HMCN1: variants seen among roughly 807,000 people sequenced by gnomAD.
HMCN1 encodes hemicentin-1.
Under a neutral mutation model 625.9 loss-of-function variants are expected in HMCN1, and 321 were observed. The ratio of observed to expected loss-of-function variants is 0.51; its 90% confidence interval spans 0.47 to 0.56. The LOEUF (loss-of-function observed/expected upper bound fraction) is 0.56. Ranked by LOEUF, HMCN1 falls within the 20% of genes least tolerant of loss-of-function variation. HMCN1 has a pLI of 0.00. For synonymous variants in HMCN1, 2,425 were observed against 2,417.6 expected (o/e 1.00, Z -0.09); for missense variants, 6,588 against 6,887.3 (o/e 0.96, Z 1.54).
In HMCN1 at chr1:186,065,270, G is replaced by A. The variant is rs926701175; in HGVS notation, c.7546G>A (p.Asp2516Asn). Residue 2516 changes from aspartate (D) to asparagine (N), a missense_variant, in exon 49 of 107, where the codon GAT (aspartate) becomes AAT (asparagine). Around this residue, in one of 3 missense-constraint regions of HMCN1, gnomAD observed 4,628 missense variants for 4,853.1 expected, o/e 0.95. Coordinates refer to ENST00000271588, the MANE Select transcript of HMCN1 (RefSeq NM_031935.3). ...AGTGCCAGAAATTACATGGCACAAA[G>A]ATGGGCAGCCCCTCCAAGAAGATGA... ...NPVPEITWHK[D>N]GQPLQEDEAH... 9.9e-6 allele frequency: 16 copies of A among 1,612,464 alleles called. No individual in the cohort carries two copies. The African/African-American group carries it at 1.7e-4, about 17-fold the overall frequency.
rs1014458246 is a variant in HMCN1 at position 186,088,612 on chromosome 1, C to T, written c.9584C>T (p.Ser3195Phe). 1 of 1,611,424 alleles carries T rather than the reference C, an allele frequency of 6.2e-7. No individual in the cohort carries two copies. The highest frequency in any genetic ancestry group is 8.5e-7 in the Non-Finnish European group (1 of 1,178,544). ...GCTTTGTTTCTACCTCTAGAAAATT[C>T]TGACTCACTGGAAGTTCGTATTTTG... is the stretch of plus-strand genomic sequence containing the variant. ...WLKNHKRIEN[S>F]DSLEVRILSG... The change falls in exon 63 of 107, where the codon TCT (serine) becomes TTT (phenylalanine). Residue 3195 changes from serine (S) to phenylalanine (F), a missense_variant. Transcript: ENST00000271588.
chr1:186,076,765 G>A (rs574323537), intron 54 of HMCN1, 143 bp downstream of exon 54: 74 of 772,064 alleles, frequency 9.6e-5, no homozygotes, highest in East Asian at 7.1e-4. Context: ...TGGCATCCAC[G>A]TAGCTTCAAT....
Position 185,891,646 on chromosome 1 carries a change from T to C in HMCN1, c.622-17691T>C, listed in dbSNP as rs562681825. Reference sequence around the variant, plus strand: ...GAAAGTTGAATATTGGCCCCCACTCTCTTCTGGCTTGTAGAGTTTCTGCCG... The same window carrying C: ...GAAAGTTGAATATTGGCCCCCACTCCCTTCTGGCTTGTAGAGTTTCTGCCG... On this transcript the variant is annotated intron_variant, in intron 4 of 106. Coordinates refer to ENST00000271588, the MANE Select transcript of HMCN1 (RefSeq NM_031935.3). Among the ~76,000 whole-genome samples the C allele has an allele frequency of 5.6e-3, 830 of 147,918 alleles. 21 individuals are homozygous for C. The highest frequency in any genetic ancestry group is 0.02 in the African/African-American group (732 of 37,310).
intron 1 of HMCN1, among the ~76,000 whole-genome samples, chr1:185,790,381 C>A (rs955736089): frequency 1.6e-4 from 25 of 152,192 alleles, no homozygotes; most frequent in Admixed American, 6.5e-4. Context: ...GACTGTGATG[C>A]TACCACTGCT....
chr1:185,750,903 A>G (rs996587581), intron 1 of HMCN1, among the ~76,000 whole-genome samples: 5 of 150,894 alleles, frequency 3.3e-5, no homozygotes, highest in African/African-American at 1.2e-4. Context: ...AAAAATGTTT[A>G]TCCTTGATTT....
intron 1 of HMCN1, among the ~76,000 whole-genome samples, chr1:185,841,139 G>A (rs1334535905): frequency 1.3e-5 from 2 of 152,128 alleles, no homozygotes; most frequent in Admixed American, 6.5e-5. Context: ...GAGAACAATG[G>A]TTGAGATGCT....
intron 1 of HMCN1, among the ~76,000 whole-genome samples, chr1:185,817,908 T>A (rs1659940787): frequency 6.6e-6 from 1 of 152,166 alleles, no homozygotes. Flanking sequence ...TTTTAGTCCT[T>A]TACAGCTACT....
chr1:185,761,839 A>G (rs1372815481), intron 1 of HMCN1, among the ~76,000 whole-genome samples: 1 of 152,178 alleles, frequency 6.6e-6, no homozygotes, highest in Middle Eastern at 3.2e-3. Context: ...TTTTTAGATT[A>G]ATTTTTAAGA....
chr1:185,925,407 A>G (rs916790352), intron 9 of HMCN1, among the ~76,000 whole-genome samples: 9 of 152,186 alleles, frequency 5.9e-5, no homozygotes, highest in African/African-American at 2.2e-4. Flanking sequence ...AATATAATAA[A>G]TGCTTGAACA....
rs114040563 is a variant in HMCN1, at chr1:185,808,022, A to C, written c.269-38004A>C. Among the ~76,000 whole-genome samples, 1,339 of 152,274 alleles carry C rather than the reference A, an allele frequency of 8.8e-3. 12 individuals carry two copies. Among genetic ancestry groups the C allele is most frequent in the African/African-American group, 0.028 (1,160 of 41,570 alleles). On this transcript the variant is annotated intron_variant, in intron 1 of 106. Transcript: ENST00000271588. ...TTAAAATAATTAACTTAAAAGTCAC[A>C]CTAGCCTAGGCAATATAGTGGGACC...
At chr1:185,764,080 A>G (rs879488149) in intron 1 of HMCN1, among the ~76,000 whole-genome samples, 1 of 152,194 alleles carries the variant, frequency 6.6e-6, no homozygotes, top group Non-Finnish European at 1.5e-5. Context: ...ACAAATGCGT[A>G]CAATTAAGAA....
rs1393069190 is a variant in HMCN1 at position 186,119,807 on chromosome 1, T to C, written c.12019T>C (p.Leu4007=). 1.4e-5 allele frequency: 22 copies of C among 1,614,004 alleles called. No individual in the cohort carries two copies. Among genetic ancestry groups the C allele is most frequent in the East Asian group, 2.2e-5 (1 of 44,890 alleles). Residue 4007 remains leucine, a synonymous_variant, in exon 79 of 107, where the codon TTA becomes CTA. Coordinates refer to ENST00000271588, the MANE Select transcript of HMCN1 (RefSeq NM_031935.3). The part of the protein sequence containing the change: ...LHVILNNPIL[L]PCEATGTPSP... Reference sequence around the variant, plus strand: ...CGTCATTCTGAACAATCCTATTTTATTACCATGTGAAGCAACAGGGACACC... The same window carrying C: ...CGTCATTCTGAACAATCCTATTTTACTACCATGTGAAGCAACAGGGACACC...
intron 36 of HMCN1, among the ~76,000 whole-genome samples, chr1:186,035,381 A>G (rs1203724690): frequency 1.3e-5 from 2 of 152,166 alleles, no homozygotes; most frequent in Non-Finnish European, 2.9e-5. Context: ...TAGACTTTTC[A>G]AAAATCAACT....
intron 36 of HMCN1, among the ~76,000 whole-genome samples, chr1:186,026,614 T>C (rs1655071955): frequency 1.3e-5 from 2 of 152,226 alleles, no homozygotes; most frequent in African/African-American, 4.8e-5. Flanking sequence ...TGTAGTTACT[T>C]TTGAAGTCAG....
At chr1:186,075,105 G>A (rs975398) in intron 53 of HMCN1, among the ~76,000 whole-genome samples, 95,002 of 151,942 alleles carry the variant, frequency 0.63, 31,529 homozygotes, top group African/African-American at 0.87. Flanking sequence ...ATATTTTAAA[G>A]TGTATACTTC....
intron 6 of HMCN1, among the ~76,000 whole-genome samples, chr1:185,916,250 A>G (rs1265887197): frequency 6.6e-6 from 1 of 152,190 alleles, no homozygotes; most frequent in African/African-American, 2.4e-5. Flanking sequence ...TATTGAAACC[A>G]TCTATTCTTT....
Position 186,094,361 on chromosome 1 carries a change from CTTCAAGTGTTT to C in HMCN1, c.10283_10293del (p.Leu3428ArgfsTer20). On this transcript the variant is annotated frameshift_variant and splice_region_variant, in exon 67 of 107. Coordinates refer to ENST00000271588, the MANE Select transcript of HMCN1 (RefSeq NM_031935.3). LOFTEE classifies it high-confidence loss of function. ...TGGGGTGGATAATAAGCATTACAAT[CTTCAAGTGTTT>C]GGTATGTGTCACAGAAATGACCCTA... The C allele has an allele frequency of 6.2e-7, 1 of 1,611,992 alleles. No individual in the cohort carries two copies. The highest frequency in any genetic ancestry group is 8.5e-7 in the Non-Finnish European group (1 of 1,178,426).
intron 20 of HMCN1, among the ~76,000 whole-genome samples, chr1:185,989,005 CTTT>C (rs569764243): frequency 2.6e-5 from 3 of 117,566 alleles, no homozygotes; most frequent in Admixed American, 1.8e-4. Flanking sequence ...ACTTTTAGTA[CTTT>C]TTTTTTTTTT....
chr1:186,130,706 C>A lies in HMCN1; in HGVS notation c.13230+9C>A. ...CCATCTATGGCACTGTTGTAAGTCA[C>A]GCCAGAATGATTGATGCACCTTTAA... On this transcript the variant is annotated intron_variant, in intron 85 of 106. Coordinates refer to ENST00000271588, the MANE Select transcript of HMCN1 (RefSeq NM_031935.3). 1 of 1,611,218 alleles carries A rather than the reference C, an allele frequency of 6.2e-7. No homozygotes were observed. The highest frequency in any genetic ancestry group is 2.2e-5 in the East Asian group (1 of 44,870).
Sources: gnomAD v4.1 joint callset for allele counts (sites outside exome capture counted in the v4.1 genomes callset) on GRCh38, gnomAD v4.1.1 for gene constraint, gnomAD v4.1.1 regional missense constraint, MANE v1.5 for transcripts, NCBI Gene and HGNC (gene_info 2026-07-23, HGNC 2026-07-21) for gene names.